RAP1GAP2: variants seen among roughly 807,000 people sequenced by gnomAD.
RAP1GAP2 encodes RAP1 GTPase activating protein 2.
RAP1GAP2 carries 27 observed loss-of-function variants against 95.0 expected under a neutral mutation model. The ratio of observed to expected loss-of-function variants is 0.28; its 90% CI spans 0.21 to 0.39. The LOEUF (loss-of-function observed/expected upper bound fraction) is 0.39, where lower values mean the gene tolerates loss of function less well. Ranked by LOEUF, RAP1GAP2 falls within the 10% of genes least tolerant of loss-of-function variation. The pLI is 1.00. For synonymous variants in RAP1GAP2, 373 were observed against 380.9 expected (o/e 0.98, Z 0.24); for missense variants, 771 against 970.0 (o/e 0.79, Z 2.72).
chr17:2,775,292 A>G (rs2068474921), upstream of RAP1GAP2, among the ~76,000 whole-genome samples: 1 of 152,150 alleles, frequency 6.6e-6, no homozygotes, highest in Non-Finnish European at 1.5e-5. Context: ...CGCAGAGACA[A>G]GAGAATTTCC....
At chr17:2,816,070 G>A (rs1336264790) in intron 2 of RAP1GAP2, among the ~76,000 whole-genome samples, 1 of 152,176 alleles carries the variant, frequency 6.6e-6, no homozygotes, top group Admixed American at 6.5e-5. Context: ...CCTGGGCTGA[G>A]CTCTGGGAGC....
chr17:2,761,851 A>C (rs1006113231), intron 1 of RAP1GAP2, among the ~76,000 whole-genome samples: 4 of 151,990 alleles, frequency 2.6e-5, no homozygotes, highest in Non-Finnish European at 1.5e-5. Context: ...ACTTGTTATT[A>C]TCTCTGTCTT....
chr17:2,859,987 T>C (rs973034595), intron 2 of RAP1GAP2, among the ~76,000 whole-genome samples: 2 of 152,112 alleles, frequency 1.3e-5, no homozygotes, highest in Non-Finnish European at 2.9e-5. Flanking sequence ...TGTCTCTTTT[T>C]GCGACGTTAG....
chr17:2,822,569 G>A (rs950781168), intron 2 of RAP1GAP2, among the ~76,000 whole-genome samples: 3 of 151,608 alleles, frequency 2.0e-5, no homozygotes, highest in African/African-American at 7.3e-5. Context: ...AAGCTGCAGT[G>A]AGCTATGATC....
intron 8 of RAP1GAP2, among the ~76,000 whole-genome samples, chr17:2,970,203 T>G (rs12325996): frequency 0.58 from 85,403 of 148,032 alleles, 24,698 homozygotes; most frequent in East Asian, 0.73. Flanking sequence ...GAACCCGGGA[T>G]GCGCAGGTTG....
chr17:2,903,714 T>G lies in RAP1GAP2; in HGVS notation c.81-1570T>G, dbSNP rs1288128833. 6.6e-6 allele frequency among the ~76,000 whole-genome samples: 1 copy of G among 152,052 alleles called. No individual in the cohort carries two copies. Among genetic ancestry groups the G allele is most frequent in the Non-Finnish European group, 1.5e-5 (1 of 68,010 alleles). On this transcript the variant is annotated intron_variant, in intron 2 of 24. Transcript: ENST00000254695. This position sits in a 1 kb window ranked among gnomAD's most constrained non-coding sequence, Gnocchi z 4.1. ...GGAATGGATTCTCTGCCAAGCCAGG[T>G]AGTCCCCAGGCCCCTGATGTGGCTC...
At chr17:2,826,931 G>A (rs957858858) in intron 2 of RAP1GAP2, among the ~76,000 whole-genome samples, 8 of 152,212 alleles carry the variant, frequency 5.3e-5, no homozygotes, top group African/African-American at 1.7e-4. Flanking sequence ...GCTTGAACCT[G>A]GGAATGGGAG....
intron 2 of RAP1GAP2, among the ~76,000 whole-genome samples, chr17:2,891,751 T>C (rs1345220015): frequency 6.6e-6 from 1 of 150,850 alleles, no homozygotes; most frequent in Non-Finnish European, 1.5e-5. Context: ...ATAACATCAT[T>C]GCCTACTAGA....
intron 2 of RAP1GAP2, among the ~76,000 whole-genome samples, chr17:2,835,105 G>C (rs2071074882): frequency 6.7e-6 from 1 of 150,302 alleles, no homozygotes; most frequent in Admixed American, 6.7e-5. Flanking sequence ...TGTATTTTTA[G>C]TAGAGACAGG....
intron 16 of RAP1GAP2, among the ~76,000 whole-genome samples, chr17:3,007,467 G>A (rs148674738): frequency 6.8e-4 from 104 of 152,338 alleles, no homozygotes; most frequent in Middle Eastern, 3.4e-3. Flanking sequence ...GGAAGACTTG[G>A]TGGACTCCTG....
intron 18 of RAP1GAP2, among the ~76,000 whole-genome samples, chr17:3,020,195 C>T (rs780231522): frequency 3.0e-4 from 46 of 152,194 alleles, no homozygotes; most frequent in Non-Finnish European, 5.4e-4. Flanking sequence ...CTGACCTTCT[C>T]AATTTGGTGG....
intron 8 of RAP1GAP2, among the ~76,000 whole-genome samples, chr17:2,973,823 C>T (rs1219662337): frequency 6.6e-6 from 1 of 152,180 alleles, no homozygotes; most frequent in African/African-American, 2.4e-5. Context: ...AGAAACCACA[C>T]ACCGTGCTGC....
At chr17:2,786,223 A>G (rs1278614092) in intron 1 of RAP1GAP2, among the ~76,000 whole-genome samples, 3 of 152,176 alleles carry the variant, frequency 2.0e-5, no homozygotes, top group African/African-American at 7.2e-5. Flanking sequence ...TTACAGATGA[A>G]AAACCTGAGG....
At chr17:3,011,841 T>A (rs1458833032) in intron 17 of RAP1GAP2, among the ~76,000 whole-genome samples, 4 of 152,076 alleles carry the variant, frequency 2.6e-5, no homozygotes, top group African/African-American at 9.7e-5. Flanking sequence ...CTTGAACTCC[T>A]GACATCAGGT....
intron 1 of RAP1GAP2, among the ~76,000 whole-genome samples, chr17:2,786,132 C>G (rs1036868564): frequency 2.6e-5 from 4 of 152,116 alleles, no homozygotes; most frequent in African/African-American, 9.7e-5. Context: ...AACTCCTGAC[C>G]TCAGGTGATC....
At chr17:2,927,366 G>T (rs887906628) in intron 3 of RAP1GAP2, among the ~76,000 whole-genome samples, 1 of 151,372 alleles carries the variant, frequency 6.6e-6, no homozygotes, top group Non-Finnish European at 1.5e-5. Flanking sequence ...TGTTAGCCAG[G>T]ATGGTCTCGA....
chr17:2,769,420 C>G (rs776448447), intron 1 of RAP1GAP2, among the ~76,000 whole-genome samples: 1 of 150,598 alleles, frequency 6.6e-6, no homozygotes, highest in African/African-American at 2.4e-5. Context: ...CCGGGCGTGG[C>G]GGTGGGCGCC....
chr17:2,920,982 G>A lies in RAP1GAP2; in HGVS notation c.165+15614G>A, dbSNP rs73294641. 2.7e-3 allele frequency among the ~76,000 whole-genome samples: 415 copies of A among 152,222 alleles called. 1 individual carries two copies. Among genetic ancestry groups the A allele is most frequent in the African/African-American group, 9.3e-3 (388 of 41,536 alleles). On this transcript the variant is annotated intron_variant, in intron 3 of 24. Transcript: ENST00000254695. ...GTGGGTTCTGTGTTGCTTCGTGAAG[G>A]GATGTCCCCTGCGTAGATCTGTGCC...
chr17:2,810,526 T>TC (rs2069722996), intron 2 of RAP1GAP2, among the ~76,000 whole-genome samples: 2 of 122,804 alleles, frequency 1.6e-5, no homozygotes, highest in Admixed American at 1.6e-4. Flanking sequence ...CCCACCCTTT[T>TC]TTTTTTTTTT....
Sources: allele counts gnomAD v4.1 joint callset (sites outside exome capture counted in the v4.1 genomes callset), GRCh38; gene constraint gnomAD v4.1.1; non-coding constraint Gnocchi (gnomAD v3.1); transcripts MANE v1.5; gene names NCBI Gene and HGNC (gene_info 2026-07-23, HGNC 2026-07-21).